Variants in KLHDC1 observed in about 807,000 individuals in gnomAD.
The protein encoded by KLHDC1 is kelch domain-containing protein 1.
KLHDC1 carries 53 observed loss-of-function variants against 68.3 expected under a neutral mutation model. That is an observed-to-expected ratio of 0.78 (90% CI 0.62 to 0.98). The LOEUF (loss-of-function observed/expected upper bound fraction) is 0.98. Among genes scored for constraint, KLHDC1 ranks in the 50% least tolerant of loss-of-function variants. The pLI, the probability that KLHDC1 is intolerant of heterozygous loss-of-function variation, is 0.00. For missense variants in KLHDC1, 470 were observed against 492.3 expected, an observed-to-expected ratio of 0.95 and a Z score of 0.43; for synonymous variants, 148 against 159.0, an observed-to-expected ratio of 0.93 and a Z score of 0.52.
At chr14:49,715,757 A>ATATATATAT (rs1206512681) in intron 4 of KLHDC1, among the ~76,000 whole-genome samples, 1 of 123,588 alleles carries the variant, frequency 8.1e-6, no homozygotes, top group African/African-American at 3.1e-5. Context: ...AAAAAAAAAA[A>ATATATATAT]AAAAAAAAAT....
chr14:49,723,087 CAAAAAAAAAAAAAAA>C (rs144318637), intron 4 of KLHDC1, among the ~76,000 whole-genome samples: 2 of 54,754 alleles, frequency 3.7e-5, no homozygotes, highest in East Asian at 6.2e-4. Context: ...GACTCTGTCT[CAAAAAAAAAAAAAAA>C]AAAAAAAAAA....
intron 1 of KLHDC1, among the ~76,000 whole-genome samples, chr14:49,704,086 C>T (rs1167258325): frequency 6.6e-6 from 1 of 152,182 alleles, no homozygotes; most frequent in Non-Finnish European, 1.5e-5. Flanking sequence ...TTCCTTGCCC[C>T]ATATCCTTGG....
At chr14:49,711,174 C>T (rs1888189702) in intron 4 of KLHDC1, among the ~76,000 whole-genome samples, 1 of 150,774 alleles carries the variant, frequency 6.6e-6, no homozygotes, top group African/African-American at 2.4e-5. Flanking sequence ...TGTGTTTTTA[C>T]TTTATTTATT....
At chr14:49,749,147 C>T (rs568040134) in intron 12 of KLHDC1, among the ~76,000 whole-genome samples, 4 of 151,728 alleles carry the variant, frequency 2.6e-5, no homozygotes, top group Non-Finnish European at 5.9e-5. Context: ...AATATATAAC[C>T]CTATATACAT....
At chr14:49,708,053 C>T (rs983201113) in intron 1 of KLHDC1, among the ~76,000 whole-genome samples, 4 of 146,706 alleles carry the variant, frequency 2.7e-5, no homozygotes, top group Non-Finnish European at 5.9e-5. Context: ...TCTTAAAGTG[C>T]TATTTTAAAA....
chr14:49,713,809 TA>T (rs1888273976), intron 4 of KLHDC1, among the ~76,000 whole-genome samples: 301 of 26,796 alleles, frequency 0.011, 40 homozygotes, highest in Middle Eastern at 0.074. Flanking sequence ...TATATATATA[TA>T]TATATATATA....
chr14:49,726,695 TCA>T (rs1180093506), intron 6 of KLHDC1, among the ~76,000 whole-genome samples: 2 of 152,178 alleles, frequency 1.3e-5, no homozygotes, highest in Non-Finnish European at 2.9e-5. Context: ...TAATGAATTC[TCA>T]CATAGCTGGA....
At chr14:49,740,474 A>T (rs1202571666) in intron 11 of KLHDC1, among the ~76,000 whole-genome samples, 1 of 152,080 alleles carries the variant, frequency 6.6e-6, no homozygotes, top group African/African-American at 2.4e-5. Context: ...AGTAGCTGGG[A>T]CTACAGGCAC....
At position 49,751,732 on chromosome 14, in the gene KLHDC1, A is replaced by G. The variant is rs1408449065; in HGVS notation, c.1181A>G (p.Glu394Gly). 1 of 1,593,876 alleles carries G rather than the reference A, an allele frequency of 6.3e-7. No individual in the cohort carries two copies. Among genetic ancestry groups the G allele is most frequent in the African/African-American group, 1.4e-5 (1 of 73,964 alleles). ...NHREEQRVQK[E>G]ETENKYQWIS... Reference sequence around the variant, plus strand: ...CGAGAAGAACAAAGAGTCCAAAAAGAAGAAACAGAAAATAAATATCAGTGG... The same window carrying G: ...CGAGAAGAACAAAGAGTCCAAAAAGGAGAAACAGAAAATAAATATCAGTGG... The change falls in exon 13 of 13, where the codon GAA becomes GGA. Residue 394 changes from glutamate to glycine, a missense_variant. Physicochemically the swap from Glu to Gly is moderately conservative, Grantham distance 98. Coordinates refer to ENST00000359332, the MANE Select transcript of KLHDC1 (RefSeq NM_172193.3).
Position 49,725,747 on chromosome 14 carries a change from C to T in KLHDC1, c.545C>T (p.Thr182Ile). 1 of 1,568,974 alleles carries T rather than the reference C, an allele frequency of 6.4e-7. No individual in the cohort carries two copies. The highest frequency in any genetic ancestry group is 8.7e-7 in the Non-Finnish European group (1 of 1,150,730). The change falls in exon 6 of 13, where the codon ACT (threonine) becomes ATT (isoleucine). Residue 182 changes from threonine to isoleucine, a missense_variant. Coordinates refer to ENST00000359332, the MANE Select transcript of KLHDC1 (RefSeq NM_172193.3). Reference protein sequence around the residue: ...DVHIFDTKTQTWFQPEIKGGV... With the variant: ...DVHIFDTKTQIWFQPEIKGGV... ...CACATATTTGACACAAAGACACAGA[C>T]TTGGTTTCAACCAGAAATTAAAGTA...
chr14:49,717,412 A>G (rs1481765397), intron 4 of KLHDC1, among the ~76,000 whole-genome samples: 7 of 152,154 alleles, frequency 4.6e-5, no homozygotes, highest in South Asian at 2.1e-4. Flanking sequence ...TAATAGTTAT[A>G]CTAGCAGATG....
intron 2 of KLHDC1, 119 bp from the exon 3 acceptor site, chr14:49,709,590 A>G (rs1380542630): frequency 1.9e-6 from 1 of 525,266 alleles, no homozygotes; most frequent in Non-Finnish European, 3.4e-6. Flanking sequence ...GGCCACCATT[A>G]CATTGTAACT....
In KLHDC1 at chr14:49,710,164, A is replaced by G. The variant is rs1888161095; in HGVS notation, c.286-99A>G. 3 of 663,958 alleles carry G rather than the reference A, an allele frequency of 4.5e-6. No individual in the cohort carries two copies. The East Asian group carries it at 8.3e-5, about 18-fold the overall frequency. 41.1% of individuals were successfully genotyped at this position (663,958 alleles called of 1,614,324 possible). ...TAATAGGTAACAAGCTTACCTATTA[A>G]AAAGAAAATAATAGTATTAATTCTT... On this transcript the variant is annotated intron_variant, in intron 3 of 12. Coordinates refer to ENST00000359332, the MANE Select transcript of KLHDC1 (RefSeq NM_172193.3).
Position 49,725,730 on chromosome 14 carries a change from T to C in KLHDC1, c.528T>C (p.Phe176=), listed in dbSNP as rs769226654. 1.6e-5 allele frequency: 26 copies of C among 1,586,190 alleles called. No homozygotes were observed. In the African/African-American group the frequency reaches 3.1e-4, roughly 19 times the overall value. Residue 176 remains phenylalanine (F), a synonymous_variant, in exon 6 of 13, where the codon TTT becomes TTC. Coordinates refer to ENST00000359332, the MANE Select transcript of KLHDC1 (RefSeq NM_172193.3). ...GATGGCATAATGATGTCCACATATT[T>C]GACACAAAGACACAGACTTGGTTTC... The part of the protein sequence containing the change: ...FWGWHNDVHI[F]DTKTQTWFQP...
chr14:49,743,621 G>A lies in KLHDC1; in HGVS notation c.982-132G>A. 1.0e-5 allele frequency: 6 copies of A among 588,280 alleles called. No individual in the cohort carries two copies. In the South Asian group the frequency reaches 1.4e-4, roughly 14 times the overall value. 36.4% of individuals were successfully genotyped at this position (588,280 alleles called of 1,614,324 possible). On this transcript the variant is annotated intron_variant, in intron 11 of 12. Transcript: ENST00000359332. ...TGTGTGCATGAATTTATGTGTGTGT[G>A]TCAACAGCTAGAAAGATTTATTTGC...
At chr14:49,702,420 A>G (rs1174541307) in intron 1 of KLHDC1, among the ~76,000 whole-genome samples, 3 of 152,202 alleles carry the variant, frequency 2.0e-5, no homozygotes, top group Non-Finnish European at 4.4e-5. Context: ...AATGTGTATC[A>G]AAAATGTAAG....
intron 1 of KLHDC1, among the ~76,000 whole-genome samples, chr14:49,702,706 A>G (rs1020009777): frequency 2.0e-5 from 3 of 152,246 alleles, no homozygotes; most frequent in African/African-American, 7.2e-5. Context: ...TAGGTGCCCA[A>G]TAAAAATACC....
chr14:49,730,529 A>G (rs1170758528), intron 8 of KLHDC1, among the ~76,000 whole-genome samples: 4 of 152,092 alleles, frequency 2.6e-5, no homozygotes, highest in Non-Finnish European at 2.9e-5. Flanking sequence ...TGACATTTGC[A>G]ATATTTTTAA....
At chr14:49,739,699 A>T (rs1163638780) in intron 10 of KLHDC1, among the ~76,000 whole-genome samples, 1 of 152,186 alleles carries the variant, frequency 6.6e-6, no homozygotes, top group East Asian at 1.9e-4. Flanking sequence ...CACTGCAGGG[A>T]TAATATGTAT....
Sources: allele counts gnomAD v4.1 joint callset (sites outside exome capture counted in the v4.1 genomes callset), GRCh38; gene constraint gnomAD v4.1.1; transcripts MANE v1.5; gene names NCBI Gene and HGNC (gene_info 2026-07-23, HGNC 2026-07-21).